The following MAF variants were observed in gnomAD, a reference collection of about 807,000 sequenced individuals.
MAF encodes MAF bZIP transcription factor.
A neutral mutation model predicts 22.0 loss-of-function variants in MAF; 10 were observed. The observed-to-expected ratio is 0.45, with a 90% CI of 0.28 to 0.77. The LOEUF is 0.77. MAF is among the 30% of genes least tolerant of loss of function. MAF has a pLI of 0.12. For synonymous variants in MAF, 337 were observed against 255.8 expected, an observed-to-expected ratio of 1.32 and a Z score of -3.03; for missense variants, 544 against 548.4, an observed-to-expected ratio of 0.99 and a Z score of 0.08.
the MAF span, among the ~76,000 whole-genome samples, chr16:79,320,970 C>A: frequency 1.3e-5 from 2 of 152,148 alleles, no homozygotes; most frequent in African/African-American, 4.8e-5. Flanking sequence ...GGGATTTGAA[C>A]CCAGTCCAGT....
chr16:79,348,222 T>A, the MAF span, among the ~76,000 whole-genome samples: 1 of 152,208 alleles, frequency 6.6e-6, no homozygotes, highest in African/African-American at 2.4e-5. Flanking sequence ...CTTTATTACT[T>A]TGGAGAGCCT....
At chr16:79,482,002 G>T in the MAF span, among the ~76,000 whole-genome samples, 2 of 152,182 alleles carry the variant, frequency 1.3e-5, no homozygotes, top group African/African-American at 2.4e-5. Context: ...ACAAAGGATG[G>T]ATGATGAAAG....
chr16:79,360,630 T>G, the MAF span, among the ~76,000 whole-genome samples: 2 of 152,224 alleles, frequency 1.3e-5, no homozygotes, highest in African/African-American at 4.8e-5. Flanking sequence ...TCTTTTATTT[T>G]GCAGCCAAGA....
chr16:79,566,264 G>A, the MAF span, among the ~76,000 whole-genome samples: 1 of 152,132 alleles, frequency 6.6e-6, no homozygotes, highest in Non-Finnish European at 1.5e-5. Flanking sequence ...ATAGGACACA[G>A]TTTCATCTTT....
chr16:79,245,443 C>T, the MAF span, among the ~76,000 whole-genome samples: 1 of 151,836 alleles, frequency 6.6e-6, no homozygotes, highest in Non-Finnish European at 1.5e-5. Flanking sequence ...ATGCAGCCAA[C>T]AATCATGAAA....
chr16:79,409,713 G>T, the MAF span, among the ~76,000 whole-genome samples: 1 of 152,184 alleles, frequency 6.6e-6, no homozygotes, highest in African/African-American at 2.4e-5. Context: ...AACTTGGGGA[G>T]GAGGAAGAGG....
chr16:79,471,814 T>C, the MAF span, among the ~76,000 whole-genome samples: 35 of 152,364 alleles, frequency 2.3e-4, no homozygotes, highest in South Asian at 6.8e-3. Flanking sequence ...TTCTTCTTTA[T>C]TGATCTGTAT....
chr16:79,284,502 A>C, the MAF span, among the ~76,000 whole-genome samples: 1 of 152,232 alleles, frequency 6.6e-6, no homozygotes, highest in Non-Finnish European at 1.5e-5. Flanking sequence ...GACGCCTAAC[A>C]TAAAAGGGCA....
the MAF span, among the ~76,000 whole-genome samples, chr16:79,373,816 G>A: frequency 6.6e-6 from 1 of 152,056 alleles, no homozygotes; most frequent in Non-Finnish European, 1.5e-5. Flanking sequence ...CCTTGACCTT[G>A]GACTTCTCAG....
At chr16:79,218,877 T>C in the MAF span, among the ~76,000 whole-genome samples, 1 of 152,188 alleles carries the variant, frequency 6.6e-6, no homozygotes, top group Non-Finnish European at 1.5e-5. Flanking sequence ...GTTGTAGCAC[T>C]ACACAGATTC....
At chr16:79,346,734 T>C in the MAF span, among the ~76,000 whole-genome samples, 84 of 152,316 alleles carry the variant, frequency 5.5e-4, no homozygotes, top group African/African-American at 1.9e-3. Context: ...TACTGCATAT[T>C]TGTAATGGAG....
chr16:79,321,802 C>G, the MAF span, among the ~76,000 whole-genome samples: 1 of 152,012 alleles, frequency 6.6e-6, no homozygotes, highest in Non-Finnish European at 1.5e-5. Context: ...AGGTGCCCAC[C>G]ACCACACCTG....
the MAF span, among the ~76,000 whole-genome samples, chr16:79,364,795 G>A: frequency 2.6e-5 from 4 of 152,214 alleles, no homozygotes; most frequent in African/African-American, 9.6e-5. Flanking sequence ...GACCCTTAAA[G>A]AGGCAGAACT....
At chr16:79,537,039 G>A in the MAF span, among the ~76,000 whole-genome samples, 1 of 152,150 alleles carries the variant, frequency 6.6e-6, no homozygotes, top group Non-Finnish European at 1.5e-5. Context: ...GTGTGTTTGT[G>A]TGTGTGTATG....
the MAF span, among the ~76,000 whole-genome samples, chr16:79,290,003 C>T: frequency 2.0e-5 from 3 of 151,960 alleles, no homozygotes; most frequent in Admixed American, 2.0e-4. Flanking sequence ...ACTACAGGCG[C>T]CTGCCACCAC....
chr16:79,500,387 G>A, the MAF span, among the ~76,000 whole-genome samples: 1 of 152,156 alleles, frequency 6.6e-6, no homozygotes, highest in Non-Finnish European at 1.5e-5. Flanking sequence ...ACCTCTGTCT[G>A]CACAACAGCC....
At chr16:79,417,869 C>T in the MAF span, among the ~76,000 whole-genome samples, 50 of 152,084 alleles carry the variant, frequency 3.3e-4, no homozygotes, top group Admixed American at 5.2e-4. Context: ...TTACTTTCCA[C>T]GATAACGCAT....
At chr16:79,383,415 A>C in the MAF span, among the ~76,000 whole-genome samples, 2 of 152,226 alleles carry the variant, frequency 1.3e-5, no homozygotes, top group African/African-American at 4.8e-5. Context: ...GGTTTAAAAA[A>C]AAATGAAGGA....
At chr16:79,499,912 G>A in the MAF span, among the ~76,000 whole-genome samples, 1 of 152,228 alleles carries the variant, frequency 6.6e-6, no homozygotes, top group Non-Finnish European at 1.5e-5. Context: ...GGAAGAGTTT[G>A]TCCTGGATTA....
Sources: gnomAD v4.1 joint callset for allele counts (sites outside exome capture counted in the v4.1 genomes callset) on GRCh38, gnomAD v4.1.1 for gene constraint, MANE v1.5 for transcripts, NCBI Gene and HGNC (gene_info 2026-07-23, HGNC 2026-07-21) for gene names.